Variants in SELENON observed in about 807,000 individuals in gnomAD.
The protein encoded by SELENON is selenoprotein N, 1.
SELENON carries 44 observed loss-of-function variants against 59.5 expected under a neutral mutation model. That is an observed-to-expected ratio of 0.74 (90% CI 0.58 to 0.95). SELENON has a LOEUF of 0.95. Among genes scored for constraint, SELENON ranks in the 40% least tolerant of loss-of-function variants. The pLI, the probability that SELENON is intolerant of heterozygous loss-of-function variation, is 0.00. For missense variants in SELENON, 674 were observed against 721.4 expected, an observed-to-expected ratio of 0.93 and a Z score of 0.75; for synonymous variants, 320 against 305.6, an observed-to-expected ratio of 1.05 and a Z score of -0.49.
intron 7 of SELENON, among the ~76,000 whole-genome samples, chr1:25,810,159 A>G (rs12070352): frequency 0.022 from 3,341 of 152,280 alleles, 126 homozygotes; most frequent in African/African-American, 0.076. Context: ...CGCCACCAAG[A>G]GGAAGGCCAG....
chr1:25,813,689 C>A, intron 10 of SELENON, 192 bp from the exon 10 acceptor site: 1 of 648,108 alleles, frequency 1.5e-6, no homozygotes, highest in Non-Finnish European at 2.8e-6. Context: ...CTAATCTCAG[C>A]CCAGGATGCT....
chr1:25,811,868 C>A lies in SELENON; in HGVS notation c.1270C>A (p.Pro424Thr), dbSNP rs1426277317. The change falls in exon 9 of 13, where the codon CCC (proline) becomes ACC (threonine). Residue 424 changes from proline to threonine, a missense_variant. By Grantham distance (38) the Pro-to-Thr change is conservative (BLOSUM62 -1). Coordinates refer to ENST00000361547, the MANE Select transcript of SELENON (RefSeq NM_020451.3). Reference sequence around the variant, plus strand: ...CCGGCGCCTGGAGGTGGCCATGTACCCCTTCAAGAAGGTGAGGCTGGGCAG... The same window carrying A: ...CCGGCGCCTGGAGGTGGCCATGTACACCTTCAAGAAGGTGAGGCTGGGCAG... The A allele has an allele frequency of 4.5e-6, 7 of 1,565,178 alleles. No homozygotes were observed. The highest frequency in any genetic ancestry group is 6.1e-6 in the Non-Finnish European group (7 of 1,154,906).
At chr1:25,815,494 G>T in intron 12 of SELENON, 54 bp from the exon 12 acceptor site, 1 of 1,492,996 alleles carries the variant, frequency 6.7e-7, no homozygotes, top group Non-Finnish European at 9.3e-7. Flanking sequence ...AGAGGGCACA[G>T]GGAGCCTGGG....
At chr1:25,803,946 G>A (rs1398952369) in intron 3 of SELENON, among the ~76,000 whole-genome samples, 3 of 152,018 alleles carry the variant, frequency 2.0e-5, no homozygotes, top group Non-Finnish European at 4.4e-5. Context: ...CAGGTGATCC[G>A]CCTGCTTCGG....
Position 25,815,776 on chromosome 1 carries a change from C to A in SELENON, c.*58C>A. ...CACGCCTCAGAGCCAGAGTGGTCCT[C>A]AGCCCATTTCAGACTGCAGATGCCG... On this transcript the variant is annotated 3_prime_UTR_variant, in exon 13 of 13. Transcript: ENST00000361547. The A allele has an allele frequency of 6.3e-7, 1 of 1,579,698 alleles. No homozygotes were observed. Among genetic ancestry groups the A allele is most frequent in the Non-Finnish European group, 8.6e-7 (1 of 1,156,368 alleles).
At position 25,811,326 on chromosome 1, in the gene SELENON, GTGT is replaced by G. The variant is rs1449098757; in HGVS notation, c.1011-126_1011-124del. 2.3e-5 allele frequency: 20 copies of G among 864,540 alleles called. No individual in the cohort carries two copies. The African/African-American group carries it at 3.1e-4, about 13-fold the overall frequency. The allele number at this position is 864,540 out of a possible 1,614,324, so 53.6% of individuals were successfully genotyped here. ...AGAATCCCAGTGGCTCTGAGAGCAG[GTGT>G]TCACCTTGAGAAACCTCAGTGTCCT... On this transcript the variant is annotated intron_variant, in intron 7 of 12. Coordinates refer to ENST00000361547, the MANE Select transcript of SELENON (RefSeq NM_020451.3).
At position 25,805,184 on chromosome 1, in the gene SELENON, C is replaced by A; in HGVS notation, c.446C>A (p.Pro149His). 1 of 1,614,068 alleles carries A rather than the reference C, an allele frequency of 6.2e-7. No homozygotes were observed. Among genetic ancestry groups the A allele is most frequent in the Non-Finnish European group, 8.5e-7 (1 of 1,180,014 alleles). The stretch of plus-strand genomic sequence containing the variant: ...AGCTGCGAGGAGGAGGAGTTGCCCC[C>A]TGACCCTAGCGAGGAGACGCTCACC... The change falls in exon 4 of 13, where the codon CCT becomes CAT. Residue 149 changes from proline to histidine, a missense_variant. Physicochemically the swap from Pro to His is moderately conservative, Grantham distance 77 (BLOSUM62 -2). Coordinates refer to ENST00000361547, the MANE Select transcript of SELENON (RefSeq NM_020451.3).
At chr1:25,813,152 G>A (rs2047981345) in intron 10 of SELENON, among the ~76,000 whole-genome samples, 1 of 152,196 alleles carries the variant, frequency 6.6e-6, no homozygotes, top group South Asian at 2.1e-4. Context: ...ACTGTAAAGT[G>A]TTATATACGT....
chr1:25,804,724 A>T (rs982970090), intron 3 of SELENON, among the ~76,000 whole-genome samples: 2 of 137,978 alleles, frequency 1.4e-5, no homozygotes, highest in Admixed American at 1.7e-4. Flanking sequence ...TCTCCCTATG[A>T]CACCAAAGAG....
At position 25,811,711 on chromosome 1, in the gene SELENON, C is replaced by G. The variant is rs747231254; in HGVS notation, c.1113C>G (p.Gly371=). The G allele has an allele frequency of 1.9e-6, 3 of 1,608,362 alleles. No individual in the cohort carries two copies. In the African/African-American group the frequency reaches 4.0e-5, roughly 21 times the overall value. ...CCCAGATGGAGCTGGAGGCCACGGG[C>G]CCCTCTGTGCCCTCCGTGATCCTGG... Residue 371 remains glycine, a synonymous_variant, in exon 9 of 13, where the codon GGC becomes GGG. Transcript: ENST00000361547.
Position 25,807,221 on chromosome 1 carries a change from C to T in SELENON, c.538-1359C>T, listed in dbSNP as rs889665076. Among the ~76,000 whole-genome samples the T allele has an allele frequency of 5.3e-5, 8 of 152,130 alleles. No homozygotes were observed. The highest frequency in any genetic ancestry group is 1.9e-4 in the African/African-American group (8 of 41,422). On this transcript the variant is annotated intron_variant, in intron 4 of 12. Coordinates refer to ENST00000361547, the MANE Select transcript of SELENON (RefSeq NM_020451.3). This position sits in a 1 kb window ranked among gnomAD's most constrained non-coding sequence, Gnocchi z 4.5. ...GAGGAGCTCACAGGGAAGGGCATTGCCCGTTTTGGGTCCTGTTTACTTGCC... is the reference window on the plus strand; with the variant it reads ...GAGGAGCTCACAGGGAAGGGCATTGTCCGTTTTGGGTCCTGTTTACTTGCC...
chr1:25,804,415 A>G (rs1457897951), intron 3 of SELENON, among the ~76,000 whole-genome samples: 1 of 152,224 alleles, frequency 6.6e-6, no homozygotes, highest in Non-Finnish European at 1.5e-5. Flanking sequence ...GAGAGGGCAG[A>G]CAGGGCAAGA....
chr1:25,808,926 A>C, intron 5 of SELENON, 100 bp from the exon 5 acceptor site: 4 of 1,592,702 alleles, frequency 2.5e-6, no homozygotes, highest in Non-Finnish European at 3.4e-6. Context: ...CCCCCTCCCC[A>C]TGGGGCCCCT....
chr1:25,809,215 G>A (rs2047937162), intron 6 of SELENON, 65 bp downstream of exon 5: 1 of 1,608,958 alleles, frequency 6.2e-7, no homozygotes, highest in Non-Finnish European at 8.5e-7. Flanking sequence ...GCCCAGAGGG[G>A]AGGGCCCAGC....
At position 25,815,826 on chromosome 1, in the gene SELENON, T is replaced by A; in HGVS notation, c.*108T>A. On this transcript the variant is annotated 3_prime_UTR_variant, in exon 13 of 13. Transcript: ENST00000361547. ...GCCCACTCCCACCCCACTCCTAGGC[T>A]GCCTTGGAGGGTACAAGATCCACTG... 5 of 1,207,166 alleles carry A rather than the reference T, an allele frequency of 4.1e-6. No individual in the cohort carries two copies. Among genetic ancestry groups the A allele is most frequent in the Non-Finnish European group, 5.9e-6 (5 of 841,988 alleles). The allele number at this position is 1,207,166 out of a possible 1,614,324, so 74.8% of individuals were successfully genotyped here. A position where few individuals can be genotyped will look rare whatever the true frequency, so the allele number is the denominator to read the frequency against.
At chr1:25,804,326 T>G (rs1487286509) in intron 3 of SELENON, among the ~76,000 whole-genome samples, 1 of 152,156 alleles carries the variant, frequency 6.6e-6, no homozygotes. Context: ...GGTTGAGAAC[T>G]GCTTTAATGC....
intron 12 of SELENON, 46 bp downstream of exon 11, chr1:25,814,224 C>A: frequency 6.7e-7 from 1 of 1,487,242 alleles, no homozygotes. Context: ...CACCTCGGGG[C>A]CCCGGGAGCA....
intron 7 of SELENON, among the ~76,000 whole-genome samples, chr1:25,810,943 C>G (rs778456056): frequency 2.0e-5 from 3 of 152,198 alleles, no homozygotes; most frequent in Non-Finnish European, 4.4e-5. Flanking sequence ...GGACTGCTGA[C>G]CCCCGGGGGT....
intron 12 of SELENON, among the ~76,000 whole-genome samples, 191 bp downstream of exon 11, chr1:25,814,369 G>C (rs2047992882): frequency 6.6e-6 from 1 of 152,248 alleles, no homozygotes; most frequent in South Asian, 2.1e-4. Context: ...CAGGAATCGT[G>C]ATGCAGGTGT....
Sources: gnomAD v4.1 joint callset for allele counts (sites outside exome capture counted in the v4.1 genomes callset) on GRCh38, gnomAD v4.1.1 for gene constraint, Gnocchi (gnomAD v3.1) non-coding constraint, MANE v1.5 for transcripts, NCBI Gene and HGNC (gene_info 2026-07-23, HGNC 2026-07-21) for gene names.